The following UBR4 variants were observed in gnomAD, a reference collection of about 807,000 sequenced individuals.
The protein encoded by UBR4 is E3 ubiquitin-protein ligase UBR4.
UBR4 carries 124 observed loss-of-function variants against 575.6 expected under a neutral mutation model. The observed-to-expected ratio is 0.22, with a 90% CI of 0.19 to 0.25. The LOEUF is 0.25. Ranked by LOEUF, UBR4 falls within the 10% of genes least tolerant of loss-of-function variation. The pLI, the probability that UBR4 is intolerant of heterozygous loss-of-function variation, is 1.00. For synonymous variants in UBR4, 2,455 were observed against 2,473.7 expected (o/e 0.99, Z 0.22); for missense variants, 4,818 against 6,478.8 (o/e 0.74, Z 8.80).
chr1:19,159,600 C>T (rs890986675), intron 39 of UBR4, among the ~76,000 whole-genome samples: 2 of 151,310 alleles, frequency 1.3e-5, no homozygotes, highest in African/African-American at 4.9e-5. Flanking sequence ...CCCAGCCCCA[C>T]TCCTTTTTTT....
At chr1:19,077,681 C>T (rs1223400172) in intron 104 of UBR4, 24 of 1,124,786 alleles carry the variant, frequency 2.1e-5, no homozygotes, top group Middle Eastern at 3.5e-4. Flanking sequence ...TGCAGTGAGC[C>T]GAGATCACGC....
intron 1 of UBR4, among the ~76,000 whole-genome samples, chr1:19,203,496 A>G (rs1043089123): frequency 1.3e-5 from 2 of 151,310 alleles, no homozygotes; most frequent in African/African-American, 4.9e-5. Flanking sequence ...TAAGACTCCA[A>G]CTCAAAAAAA....
rs746048173 is a variant in UBR4, at chr1:19,141,797, G to A, written c.8180-20C>T. 6.2e-7 allele frequency: 1 copy of A among 1,612,942 alleles called. No homozygotes were observed. Among genetic ancestry groups the A allele is most frequent in the Non-Finnish European group, 8.5e-7 (1 of 1,179,440 alleles). ...TGTCTCCTGAGTCAAAGAAACCCCA[G>A]TCACCTGAAGGTGCTTGCTTTCCTC... On this transcript the variant is annotated intron_variant, in intron 55 of 105. Coordinates refer to ENST00000375254, the MANE Select transcript of UBR4 (RefSeq NM_020765.3).
chr1:19,122,042 G>T (rs748723940), intron 66 of UBR4, 30 bp from the exon 67 acceptor site: 3 of 1,611,494 alleles, frequency 1.9e-6, no homozygotes, highest in South Asian at 1.1e-5. Context: ...CGGGAAAGGA[G>T]TAACTCCACC....
In UBR4 at chr1:19,200,919, G is replaced by A. The variant is rs188449698; in HGVS notation, c.274+799C>T. 2.4e-4 allele frequency among the ~76,000 whole-genome samples: 36 copies of A among 152,336 alleles called. No homozygotes were observed. The East Asian group carries it at 5.6e-3, about 24-fold the overall frequency. On this transcript the variant is annotated intron_variant, in intron 2 of 105. Coordinates refer to ENST00000375254, the MANE Select transcript of UBR4 (RefSeq NM_020765.3). ...AGCACTTTGGGAGGCTAAGCTGGGA[G>A]GACTGCTTGAGCCCAGGACTTCCAG...
intron 14 of UBR4, among the ~76,000 whole-genome samples, chr1:19,186,245 A>T (rs191817142): frequency 1.4e-4 from 21 of 152,344 alleles, no homozygotes; most frequent in Admixed American, 4.6e-4. Context: ...TCACAAAATG[A>T]GTCAACACAG....
chr1:19,121,229 A>T lies in UBR4; in HGVS notation c.10101T>A (p.Thr3367=). ...CTTTTTCTTCTTTCTTGCTCTTTTT[A>T]GTGGAAGACTTGGACTGTGTTGTGG... ...GQATTQSKSS[T]KKSKKEEKEK... is the part of the protein sequence containing the mutation. Residue 3367 remains threonine, a synonymous_variant, in exon 68 of 106, where the codon ACT becomes ACA. Transcript: ENST00000375254. 1 of 1,614,166 alleles carries T rather than the reference A, an allele frequency of 6.2e-7. No homozygotes were observed. The highest frequency in any genetic ancestry group is 8.5e-7 in the Non-Finnish European group (1 of 1,180,032).
In UBR4 at chr1:19,156,140, C is replaced by G; in HGVS notation, c.6072+131G>C. The G allele has an allele frequency of 2.4e-6, 3 of 1,252,436 alleles. No homozygotes were observed. The East Asian group carries it at 7.2e-5, about 30-fold the overall frequency. 77.6% of individuals were successfully genotyped at this position (1,252,436 alleles called of 1,614,324 possible). The stretch of plus-strand genomic sequence containing the variant: ...TTCTCCACCTCAGCCTTCCAAGTAG[C>G]TGGTACTACAGGTGAAAGTCATGGC... On this transcript the variant is annotated intron_variant, in intron 42 of 105. Transcript: ENST00000375254.
At chr1:19,092,738 G>T in intron 97 of UBR4, 81 bp downstream of exon 97, 1 of 1,161,270 alleles carries the variant, frequency 8.6e-7, no homozygotes, top group Non-Finnish European at 1.2e-6. Flanking sequence ...TCATATATTA[G>T]GGTAAGTCAT....
At chr1:19,080,823 T>C (rs79103880) in intron 103 of UBR4, 3,487 of 153,412 alleles carry the variant, frequency 0.023, 63 homozygotes, top group East Asian at 0.086. Flanking sequence ...CAAAGACCAC[T>C]TCCTTTCTGA....
chr1:19,149,746 A>C (rs1557793912), intron 49 of UBR4: 5 of 1,302,102 alleles, frequency 3.8e-6, no homozygotes, highest in Non-Finnish European at 5.1e-6. Context: ...CAGAGAAAAG[A>C]AAGAGGGCAT....
chr1:19,092,413 G>A (rs573714951), intron 97 of UBR4, among the ~76,000 whole-genome samples: 8 of 151,850 alleles, frequency 5.3e-5, no homozygotes, highest in African/African-American at 1.9e-4. Context: ...GCTCAGCCCT[G>A]TGGGGAGAAA....
At position 19,192,543 on chromosome 1, in the gene UBR4, G is replaced by A. The variant is rs375006732; in HGVS notation, c.1144-3C>T. On this transcript the variant is annotated splice_region_variant and splice_polypyrimidine_tract_variant and intron_variant, in intron 9 of 105. Transcript: ENST00000375254. ...CCAATCATGTCATAGATTTCGAGCT[G>A]TACAATATCAAACAGACACAAAAAT... The A allele has an allele frequency of 5.5e-5, 88 of 1,614,096 alleles. No homozygotes were observed. The African/African-American group carries it at 1.0e-3, about 19-fold the overall frequency.
At chr1:19,108,378 C>T (rs1210399436) in intron 81 of UBR4, among the ~76,000 whole-genome samples, 2 of 151,994 alleles carry the variant, frequency 1.3e-5, no homozygotes, top group Non-Finnish European at 2.9e-5. Flanking sequence ...ACAATTTGCC[C>T]ATCAGCCATT....
intron 2 of UBR4, among the ~76,000 whole-genome samples, chr1:19,200,956 C>A (rs1015379292): frequency 2.0e-5 from 3 of 152,164 alleles, no homozygotes; most frequent in Non-Finnish European, 2.9e-5. Context: ...CCAGCCTGGG[C>A]AACATAGAGA....
intron 101 of UBR4, among the ~76,000 whole-genome samples, chr1:19,085,740 A>G (rs973920141): frequency 6.6e-6 from 1 of 152,158 alleles, no homozygotes; most frequent in Non-Finnish European, 1.5e-5. Context: ...AAGGAGCCCA[A>G]CATCCCCCCT....
Position 19,197,676 on chromosome 1 carries a change from C to T in UBR4, c.887G>A (p.Arg296His), listed in dbSNP as rs751396551. 9 of 1,613,802 alleles carry T rather than the reference C, an allele frequency of 5.6e-6. No homozygotes were observed. The highest frequency in any genetic ancestry group is 2.2e-5 in the East Asian group (1 of 44,880). ...GCACTGTGAAGCACCTTACCCATTA[C>T]GAACAGCAGTGGCATCTGCTACTGT... ...PATVADATAV[R>H]NGFHSLVIDV... The change falls in exon 7 of 106, where the codon CGT becomes CAT. Residue 296 changes from arginine (R) to histidine (H), a missense_variant. Coordinates refer to ENST00000375254, the MANE Select transcript of UBR4 (RefSeq NM_020765.3).
At chr1:19,197,379 G>A (rs543798249) in intron 7 of UBR4, 114 bp from the exon 8 acceptor site, 83 of 1,437,292 alleles carry the variant, frequency 5.8e-5, no homozygotes, top group Middle Eastern at 4.0e-4. Context: ...CTATAATTCC[G>A]ACACTTCAGG....
At position 19,121,220 on chromosome 1, in the gene UBR4, G is replaced by T; in HGVS notation, c.10110C>A (p.Ser3370Arg). 1 of 1,614,046 alleles carries T rather than the reference G, an allele frequency of 6.2e-7. No homozygotes were observed. The highest frequency in any genetic ancestry group is 1.3e-5 in the African/African-American group (1 of 75,018). The change falls in exon 68 of 106, where the codon AGC (serine) becomes AGA (arginine). Residue 3370 changes from serine (S) to arginine (R), a missense_variant. By Grantham distance (110) the Ser-to-Arg change is moderately radical. Around this residue, in one of 29 missense-constraint regions of UBR4, gnomAD observed 550 missense variants for 791.5 expected, o/e 0.69. Coordinates refer to ENST00000375254, the MANE Select transcript of UBR4 (RefSeq NM_020765.3). Reference protein sequence around the residue: ...TTQSKSSTKKSKKEEKEKEKD... With the variant: ...TTQSKSSTKKRKKEEKEKEKD... ...TCTCCTTTTCTTTTTCTTCTTTCTT[G>T]CTCTTTTTAGTGGAAGACTTGGACT...
Sources: allele counts gnomAD v4.1 joint callset (sites outside exome capture counted in the v4.1 genomes callset), GRCh38; gene constraint gnomAD v4.1.1; regional missense constraint gnomAD v4.1.1; transcripts MANE v1.5; gene names NCBI Gene and HGNC (gene_info 2026-07-23, HGNC 2026-07-21).